Variants in GAB2 observed in about 807,000 individuals in gnomAD.
The protein encoded by GAB2 is GRB2 associated binding protein 2.
Under a neutral mutation model 65.5 loss-of-function variants are expected in GAB2, and 26 were observed. That is an observed-to-expected ratio of 0.40 (90% CI 0.29 to 0.55). GAB2 has a LOEUF of 0.55. Among genes scored for constraint, GAB2 ranks in the 20% least tolerant of loss-of-function variants. The probability of loss-of-function intolerance (pLI) is 0.53; values close to 1 mark genes in which losing one functional copy is unlikely to be tolerated. For missense variants in GAB2, 884 were observed against 875.8 expected, an observed-to-expected ratio of 1.01 and a Z score of -0.12; for synonymous variants, 321 against 329.6, an observed-to-expected ratio of 0.97 and a Z score of 0.28.
chr11:78,291,072 A>G (rs1169223947), intron 1 of GAB2, among the ~76,000 whole-genome samples: 1 of 139,878 alleles, frequency 7.1e-6, no homozygotes, highest in Non-Finnish European at 1.5e-5. Context: ...CTGCTTAGAA[A>G]AAGAAGTGGT....
At chr11:78,259,648 C>T (rs1865683079) in intron 2 of GAB2, among the ~76,000 whole-genome samples, 1 of 152,110 alleles carries the variant, frequency 6.6e-6, no homozygotes, top group Admixed American at 6.5e-5. Context: ...CATAAAATGG[C>T]TCAACTTTAC....
At chr11:78,337,735 G>A (rs1015385350) in intron 1 of GAB2, among the ~76,000 whole-genome samples, 12 of 152,128 alleles carry the variant, frequency 7.9e-5, no homozygotes, top group African/African-American at 2.4e-4. Context: ...TCTATATTCC[G>A]TAAGACACAT....
At chr11:78,268,597 T>A (rs1467381150) in intron 2 of GAB2, among the ~76,000 whole-genome samples, 2 of 152,110 alleles carry the variant, frequency 1.3e-5, no homozygotes, top group Non-Finnish European at 2.9e-5. Context: ...TATGAGATGT[T>A]TGGGAGCCAT....
At chr11:78,415,220 T>G (rs1263748558) in intron 1 of GAB2, among the ~76,000 whole-genome samples, 2 of 152,252 alleles carry the variant, frequency 1.3e-5, no homozygotes, top group Non-Finnish European at 2.9e-5. Context: ...AGTTATAACC[T>G]AGTTCAACTA....
At chr11:78,332,316 G>A (rs1855929146) in intron 1 of GAB2, among the ~76,000 whole-genome samples, 1 of 152,200 alleles carries the variant, frequency 6.6e-6, no homozygotes, top group South Asian at 2.1e-4. Context: ...AAGCCACCAG[G>A]CTTGGGACTT....
intron 2 of GAB2, among the ~76,000 whole-genome samples, chr11:78,255,030 G>A (rs763176875): frequency 4.6e-5 from 7 of 151,934 alleles, no homozygotes; most frequent in Admixed American, 1.3e-4. Context: ...TGAAAATAGC[G>A]TCTCTGTACA....
chr11:78,323,500 G>T (rs919648624), intron 1 of GAB2, among the ~76,000 whole-genome samples: 1 of 151,804 alleles, frequency 6.6e-6, no homozygotes, highest in Non-Finnish European at 1.5e-5. Flanking sequence ...ACAGAGCAAG[G>T]CTCCGTCTCC....
intron 1 of GAB2, chr11:78,318,369 C>CAAAAGAAAAAAAAAAAAAAAAAAA (rs1855654524): frequency 2.1e-5 from 1 of 47,676 alleles, no homozygotes; most frequent in Admixed American, 2.1e-4. Flanking sequence ...TGTTAAATGC[C>CAAAAGAAAAAAAAAAAAAAAAAAA]AAAAAAAAAA....
chr11:78,411,194 C>T (rs565234256), intron 1 of GAB2, among the ~76,000 whole-genome samples: 49 of 151,410 alleles, frequency 3.2e-4, no homozygotes, highest in Non-Finnish European at 5.6e-4. Flanking sequence ...AGAAAATAAA[C>T]GAAGGAAGAA....
chr11:78,355,680 T>TA (rs67850407), intron 1 of GAB2, among the ~76,000 whole-genome samples: 71,919 of 79,234 alleles, frequency 0.91, 33,473 homozygotes, highest in Non-Finnish European at 0.98. Flanking sequence ...CTGTCTCACT[T>TA]AAAAAAAAAA....
chr11:78,383,924 T>C (rs751633988), intron 1 of GAB2, among the ~76,000 whole-genome samples: 2 of 152,130 alleles, frequency 1.3e-5, no homozygotes, highest in Admixed American at 6.5e-5. Flanking sequence ...TTTCGTGACA[T>C]TGCTGGCTTT....
intron 1 of GAB2, among the ~76,000 whole-genome samples, chr11:78,415,449 A>C (rs1394085339): frequency 1.3e-5 from 2 of 152,326 alleles, no homozygotes; most frequent in East Asian, 3.9e-4. Context: ...CAGGATGCAA[A>C]AATTCTGAAT....
chr11:78,415,116 C>A (rs11237486), intron 1 of GAB2, among the ~76,000 whole-genome samples: 26,799 of 152,212 alleles, frequency 0.18, 2,912 homozygotes, highest in East Asian at 0.43. Context: ...CAGTGATCCA[C>A]CCGCCTCAGC....
intron 1 of GAB2, among the ~76,000 whole-genome samples, chr11:78,287,783 G>T (rs1349824982): frequency 1.3e-5 from 2 of 150,870 alleles, no homozygotes; most frequent in African/African-American, 4.9e-5. Flanking sequence ...CAAGTAGCTG[G>T]GATTACAGGT....
intron 1 of GAB2, among the ~76,000 whole-genome samples, chr11:78,407,693 GAA>G (rs1857069942): frequency 7.1e-6 from 1 of 140,878 alleles, no homozygotes; most frequent in Admixed American, 7.2e-5. Flanking sequence ...AAGAAAGAAA[GAA>G]AGAAAGAGAT....
At chr11:78,385,841 G>A (rs2134743883) in intron 1 of GAB2, among the ~76,000 whole-genome samples, 1 of 152,234 alleles carries the variant, frequency 6.6e-6, no homozygotes, top group East Asian at 1.9e-4. Context: ...CATTTGGGAG[G>A]GGTACATATT....
chr11:78,387,260 T>TA (rs1416641879), intron 1 of GAB2, among the ~76,000 whole-genome samples: 1 of 152,216 alleles, frequency 6.6e-6, no homozygotes, highest in Non-Finnish European at 1.5e-5. Flanking sequence ...AGGCTCCAAC[T>TA]ACTCCTTATC....
chr11:78,354,488 TA>T (rs1458171530), intron 1 of GAB2, among the ~76,000 whole-genome samples: 11 of 152,196 alleles, frequency 7.2e-5, no homozygotes, highest in Non-Finnish European at 1.5e-4. Flanking sequence ...GTTCAAGAGT[TA>T]AAAAGGCTTT....
chr11:78,380,915 T>C (rs1183878553), intron 1 of GAB2, among the ~76,000 whole-genome samples: 1 of 152,140 alleles, frequency 6.6e-6, no homozygotes, highest in Non-Finnish European at 1.5e-5. Context: ...ACGTATGCAC[T>C]GGTCTTGTAT....
Sources: allele counts gnomAD v4.1 joint callset (sites outside exome capture counted in the v4.1 genomes callset), GRCh38; gene constraint gnomAD v4.1.1; transcripts MANE v1.5; gene names NCBI Gene and HGNC (gene_info 2026-07-23, HGNC 2026-07-21).